SIPA1L1: variants seen among roughly 807,000 people sequenced by gnomAD.
The protein encoded by SIPA1L1 is signal induced proliferation associated 1 like 1.
A neutral mutation model predicts 162.7 loss-of-function variants in SIPA1L1; 26 were observed. The ratio of observed to expected loss-of-function variants is 0.16; its 90% CI spans 0.12 to 0.22. The LOEUF (loss-of-function observed/expected upper bound fraction) is 0.22, where lower values mean the gene tolerates loss of function less well. SIPA1L1 is among the 10% of genes least tolerant of loss of function. The probability of loss-of-function intolerance (pLI) is 1.00; values close to 1 mark genes in which losing one functional copy is unlikely to be tolerated. For synonymous variants in SIPA1L1, 829 were observed against 837.4 expected (o/e 0.99, Z 0.17); for missense variants, 1,874 against 2,241.0 (o/e 0.84, Z 3.31).
At chr14:71,674,919 T>C (rs979978827) in intron 12 of SIPA1L1, among the ~76,000 whole-genome samples, 5 of 152,180 alleles carry the variant, frequency 3.3e-5, no homozygotes, top group Admixed American at 2.6e-4. Flanking sequence ...GCTAAGCTCA[T>C]CTGACAAATT....
At chr14:71,693,195 T>C (rs907592426) in intron 13 of SIPA1L1, among the ~76,000 whole-genome samples, 1 of 152,238 alleles carries the variant, frequency 6.6e-6, no homozygotes, top group African/African-American at 2.4e-5. Context: ...TTGAATGTTA[T>C]ATTGGCGCTC....
chr14:71,531,922 A>T (rs1054445087), intron 4 of SIPA1L1, among the ~76,000 whole-genome samples: 1 of 152,176 alleles, frequency 6.6e-6, no homozygotes. Context: ...GAAACTGAAT[A>T]GTCAGTTCCA....
intron 5 of SIPA1L1, among the ~76,000 whole-genome samples, chr14:71,618,506 AGTAGAGTAGTAATCT>A (rs2039075577): frequency 6.6e-6 from 1 of 152,242 alleles, no homozygotes; most frequent in Non-Finnish European, 1.5e-5. Context: ...TTTGAGAAAT[AGTAGAGTAGTAATCT>A]GTAGAGTAGT....
At chr14:71,532,745 AT>A (rs531645977) in intron 4 of SIPA1L1, among the ~76,000 whole-genome samples, 1 of 152,096 alleles carries the variant, frequency 6.6e-6, no homozygotes, top group Non-Finnish European at 1.5e-5. Flanking sequence ...ATGAAAGTAA[AT>A]TTTTTTTCCC....
intron 2 of SIPA1L1, among the ~76,000 whole-genome samples, chr14:71,361,019 A>AT (rs1025785039): frequency 1.8e-4 from 27 of 151,492 alleles, no homozygotes; most frequent in African/African-American, 5.1e-4. Flanking sequence ...GTTTATATAT[A>AT]TTTTTTTTTC....
chr14:71,330,512 C>T, intron 2 of SIPA1L1: 4 of 1,591,854 alleles, frequency 2.5e-6, no homozygotes, highest in Admixed American at 1.7e-5. Flanking sequence ...GCTCTATGTG[C>T]ATCAGAGTCA....
intron 2 of SIPA1L1, among the ~76,000 whole-genome samples, chr14:71,327,271 A>G (rs2033942552): frequency 6.6e-6 from 1 of 151,288 alleles, no homozygotes; most frequent in Non-Finnish European, 1.5e-5. Flanking sequence ...TTTAGTAGAG[A>G]TGGGGTTTCA....
At chr14:71,360,078 G>A (rs918594166) in intron 2 of SIPA1L1, among the ~76,000 whole-genome samples, 7 of 152,126 alleles carry the variant, frequency 4.6e-5, no homozygotes, top group East Asian at 3.8e-4. Flanking sequence ...ACAGTGCTTC[G>A]GGGTCATCTA....
chr14:71,626,149 A>G (rs2039959299), intron 7 of SIPA1L1, among the ~76,000 whole-genome samples: 1 of 152,206 alleles, frequency 6.6e-6, no homozygotes, highest in Non-Finnish European at 1.5e-5. Context: ...ATTAATCATA[A>G]TATATGATAG....
chr14:71,649,204 T>C (rs1390335755), intron 7 of SIPA1L1, among the ~76,000 whole-genome samples: 1 of 151,516 alleles, frequency 6.6e-6, no homozygotes, highest in African/African-American at 2.4e-5. Context: ...TTTTTTTTTT[T>C]TTTTTTGAGA....
At chr14:71,593,377 A>G (rs1269498613) in intron 5 of SIPA1L1, among the ~76,000 whole-genome samples, 19 of 151,718 alleles carry the variant, frequency 1.3e-4, no homozygotes, top group Admixed American at 9.2e-4. Context: ...GTGCCAAGCT[A>G]ATTTTTGTAT....
intron 2 of SIPA1L1, among the ~76,000 whole-genome samples, chr14:71,376,539 C>T (rs1467694512): frequency 3.3e-5 from 5 of 151,084 alleles, no homozygotes; most frequent in African/African-American, 1.2e-4. Flanking sequence ...TCTTTTTAAT[C>T]TCACCAGCAT....
At chr14:71,555,487 A>G (rs2056274097) in intron 4 of SIPA1L1, among the ~76,000 whole-genome samples, 1 of 152,214 alleles carries the variant, frequency 6.6e-6, no homozygotes, top group Admixed American at 6.5e-5. Flanking sequence ...CTTTCTCTCC[A>G]GAACACTAAA....
intron 2 of SIPA1L1, among the ~76,000 whole-genome samples, chr14:71,373,377 C>A (rs2039074014): frequency 6.6e-6 from 1 of 150,802 alleles, no homozygotes; most frequent in Admixed American, 6.6e-5. Flanking sequence ...AATCCTAGGA[C>A]TTTGGGAGGC....
At chr14:71,491,921 A>G (rs1307778863) in intron 2 of SIPA1L1, among the ~76,000 whole-genome samples, 1 of 151,946 alleles carries the variant, frequency 6.6e-6, no homozygotes, top group East Asian at 1.9e-4. Context: ...CTCATTTATT[A>G]TAGTTCGGGT....
intron 2 of SIPA1L1, among the ~76,000 whole-genome samples, chr14:71,339,348 CTTTACT>C (rs2035408163): frequency 1.4e-5 from 2 of 146,074 alleles, no homozygotes; most frequent in Non-Finnish European, 3.0e-5. Context: ...TAAGTGTTTT[CTTTACT>C]TTTCTTTCTT....
chr14:71,403,492 C>G (rs2041821896), intron 2 of SIPA1L1, among the ~76,000 whole-genome samples: 1 of 149,308 alleles, frequency 6.7e-6, no homozygotes, highest in Non-Finnish European at 1.5e-5. Context: ...CCCAGCTACT[C>G]AGGAGGCTGA....
chr14:71,734,866 C>T (rs919364692), intron 21 of SIPA1L1, among the ~76,000 whole-genome samples: 1 of 152,118 alleles, frequency 6.6e-6, no homozygotes, highest in Non-Finnish European at 1.5e-5. Flanking sequence ...TAAAGCCAAC[C>T]AGAGTGTCCA....
Position 71,709,286 on chromosome 14 carries a change from A to G in SIPA1L1, c.3830A>G (p.His1277Arg), listed in dbSNP as rs747417273. ...CTCTCCAGCAATGCGTCAAGTGCCC[A>G]TAGTGATGAGAAGTGGTACGATGGG... ...NTLSSNASSA[H>R]SDEKWYDGDR... The change falls in exon 17 of 24, where the codon CAT becomes CGT. Residue 1277 changes from histidine to arginine, a missense_variant. Around this residue, in one of 5 missense-constraint regions of SIPA1L1, gnomAD observed 936 missense variants for 1,051.9 expected, o/e 0.89. Transcript: ENST00000381232. 1 of 1,614,102 alleles carries G rather than the reference A, an allele frequency of 6.2e-7. No individual in the cohort carries two copies. The highest frequency in any genetic ancestry group is 1.7e-5 in the Admixed American group (1 of 60,008).
Sources: gnomAD v4.1 joint callset for allele counts (sites outside exome capture counted in the v4.1 genomes callset) on GRCh38, gnomAD v4.1.1 for gene constraint, gnomAD v4.1.1 regional missense constraint, MANE v1.5 for transcripts, NCBI Gene and HGNC (gene_info 2026-07-23, HGNC 2026-07-21) for gene names.